LARP1: variants seen among roughly 807,000 people sequenced by gnomAD.
LARP1 encodes the protein La ribonucleoprotein 1, translational regulator, also known as la-related protein 1.
In LARP1, 36 loss-of-function variants were observed where a neutral mutation model predicts 122.7. The ratio of observed to expected loss-of-function variants is 0.29; its 90% CI spans 0.22 to 0.39. The LOEUF is 0.39. LARP1 is among the 10% of genes least tolerant of loss of function. The pLI is 1.00. For missense variants in LARP1, 1,040 were observed against 1,403.6 expected (o/e 0.74, Z 4.14); for synonymous variants, 539 against 528.7 (o/e 1.02, Z -0.27).
At position 154,788,688 on chromosome 5, in the gene LARP1, G is replaced by A. The variant is rs145631980; in HGVS notation, c.437-1637G>A. Among the ~76,000 whole-genome samples, 373 of 151,878 alleles carry A rather than the reference G, an allele frequency of 2.5e-3. 2 individuals carry two copies. The highest frequency in any genetic ancestry group is 8.4e-3 in the African/African-American group (348 of 41,374). ...AGAAATTCTTGTTTTTCAGAATGGT[G>A]TTGGGAAAAGAAGTGTGGATGTAGA... On this transcript the variant is annotated intron_variant, in intron 1 of 18. Coordinates refer to ENST00000518297, the MANE Select transcript of LARP1 (RefSeq NM_033551.3).
At chr5:154,781,217 C>G (rs1037664802) in intron 1 of LARP1, among the ~76,000 whole-genome samples, 1 of 152,160 alleles carries the variant, frequency 6.6e-6, no homozygotes, top group Non-Finnish European at 1.5e-5. Context: ...CTGTCTGAGA[C>G]GATTGGCTTC....
At chr5:154,791,953 T>TGCTGAGACTTGCAGAGGTTA (rs1262308682) in intron 3 of LARP1, 1 of 456,180 alleles carries the variant, frequency 2.2e-6, no homozygotes, top group Non-Finnish European at 4.4e-6. Context: ...CAGATGAAGC[T>TGCTGAGACTTGCAGAGGTTA]GCTGAGACTT....
chr5:154,696,932 G>A (rs868637673), intron 1 of LARP1, among the ~76,000 whole-genome samples: 1 of 152,168 alleles, frequency 6.6e-6, no homozygotes, highest in Admixed American at 6.5e-5. Context: ...AGAGGAAATC[G>A]TCCTTCATTC....
upstream of LARP1, among the ~76,000 whole-genome samples, chr5:154,755,318 G>T (rs865831868): frequency 6.7e-6 from 1 of 148,814 alleles, no homozygotes; most frequent in African/African-American, 2.4e-5. Flanking sequence ...GCGCGCGCCC[G>T]CCCGCCGCCT....
Position 154,814,584 on chromosome 5 carries a change from C to T in LARP1, c.*488C>T, listed in dbSNP as rs1482555826. ...CTCATAGAAGGCTCTGGTGGTACCT[C>T]TGGGCCCCAGGAGCATCAGCCCCTT... is the stretch of plus-strand genomic sequence containing the variant. On this transcript the variant is annotated 3_prime_UTR_variant, in exon 19 of 19. Transcript: ENST00000518297. 1.3e-5 allele frequency: 2 copies of T among 152,624 alleles called. No homozygotes were observed. Among genetic ancestry groups the T allele is most frequent in the African/African-American group, 2.4e-5 (1 of 41,396 alleles). The allele number at this position is 152,624 out of a possible 1,614,324, so 9.5% of individuals were successfully genotyped here.
rs796756210 is a variant in LARP1 at position 154,703,132 on chromosome 5, A to G, written c.-180+20095A>G. Reference sequence around the variant, plus strand: ...TGAGACGCTGTCTCAAAAAAAAAAAAAAAAAAAAAAAAAAAGAGAGGACAC... The same window carrying G: ...TGAGACGCTGTCTCAAAAAAAAAAAGAAAAAAAAAAAAAAAGAGAGGACAC... On this transcript the variant is annotated intron_variant, in intron 1 of 18. Coordinates refer to the LARP1 transcript ENST00000687700. Among the ~76,000 whole-genome samples, 1,063 of 148,540 alleles carry G rather than the reference A, an allele frequency of 7.2e-3. 9 individuals are homozygous for G. Among genetic ancestry groups the G allele is most frequent in the African/African-American group, 0.026 (1,015 of 39,106 alleles).
At chr5:154,732,195 A>C (rs1756624369) in intron 1 of LARP1, among the ~76,000 whole-genome samples, 1 of 67,202 alleles carries the variant, frequency 1.5e-5, no homozygotes, top group South Asian at 5.0e-4. Flanking sequence ...AAAACAAAAA[A>C]AAAAAAAAAA....
intron 1 of LARP1, among the ~76,000 whole-genome samples, chr5:154,762,982 G>A (rs983765369): frequency 1.3e-5 from 2 of 151,452 alleles, no homozygotes; most frequent in African/African-American, 4.9e-5. Flanking sequence ...TAATAGTACT[G>A]GAATAGTCAC....
upstream of LARP1, among the ~76,000 whole-genome samples, chr5:154,711,582 A>G (rs1446614237): frequency 2.0e-5 from 3 of 152,182 alleles, no homozygotes; most frequent in Non-Finnish European, 4.4e-5. Flanking sequence ...GTCACCCCAA[A>G]GCTTCAGTTT....
At chr5:154,773,824 T>C (rs939372020) in intron 1 of LARP1, among the ~76,000 whole-genome samples, 5 of 152,208 alleles carry the variant, frequency 3.3e-5, no homozygotes, top group Non-Finnish European at 5.9e-5. Context: ...GGCCTGTCTC[T>C]TGGGGAGAAC....
chr5:154,739,173 G>A (rs1180539628), intron 1 of LARP1, among the ~76,000 whole-genome samples: 2 of 151,506 alleles, frequency 1.3e-5, no homozygotes, highest in East Asian at 1.9e-4. Context: ...CCGCCAACAC[G>A]CCCAGCTAAT....
At chr5:154,715,708 C>T (rs1755462934) in intron 1 of LARP1, among the ~76,000 whole-genome samples, 1 of 152,108 alleles carries the variant, frequency 6.6e-6, no homozygotes, top group East Asian at 1.9e-4. Flanking sequence ...GTTAGAGTTC[C>T]AGGGACACCG....
intron 5 of LARP1, 22 bp from the exon 6 acceptor site, chr5:154,793,778 C>A: frequency 1.2e-6 from 2 of 1,614,160 alleles, no homozygotes; most frequent in South Asian, 1.1e-5. Flanking sequence ...TCAGGCCTGA[C>A]CTGGTACCCC....
intron 10 of LARP1, 122 bp from the exon 11 acceptor site, chr5:154,801,885 C>T: frequency 1.1e-6 from 1 of 880,566 alleles, no homozygotes; most frequent in East Asian, 2.6e-5. Flanking sequence ...GCTGGTGTTA[C>T]CAGGGTCATA....
Position 154,802,529 on chromosome 5 carries a change from G to T in LARP1, c.2109+130G>T. On this transcript the variant is annotated intron_variant, in intron 11 of 18. Coordinates refer to ENST00000518297, the MANE Select transcript of LARP1 (RefSeq NM_033551.3). This position sits in a 1 kb window ranked among gnomAD's most constrained non-coding sequence, Gnocchi z 5.1. ...CAGAGTCTCAGGATTTTTATATATG[G>T]GAAGGGGATGATGACTGACATCTAG... 1.8e-6 allele frequency: 2 copies of T among 1,119,526 alleles called. No individual in the cohort carries two copies. Among genetic ancestry groups the T allele is most frequent in the South Asian group, 3.6e-5 (2 of 56,114 alleles). The allele number at this position is 1,119,526 out of a possible 1,614,324, so 69.3% of individuals were successfully genotyped here.
At chr5:154,791,641 G>A (rs937126808) in intron 3 of LARP1, among the ~76,000 whole-genome samples, 1 of 152,166 alleles carries the variant, frequency 6.6e-6, no homozygotes, top group Non-Finnish European at 1.5e-5. Flanking sequence ...TATACATGGC[G>A]GGGCTGGTGG....
intron 1 of LARP1, among the ~76,000 whole-genome samples, chr5:154,691,870 A>G (rs901281460): frequency 1.8e-4 from 27 of 148,574 alleles, no homozygotes; most frequent in African/African-American, 6.7e-4. Flanking sequence ...GCTCACTGCA[A>G]CCTCCCCCTC....
At chr5:154,806,614 T>C (rs953347519) in intron 15 of LARP1, among the ~76,000 whole-genome samples, 1 of 152,248 alleles carries the variant, frequency 6.6e-6, no homozygotes, top group African/African-American at 2.4e-5. Context: ...GGAACGAGCC[T>C]GTCTAGATGC....
intron 16 of LARP1, among the ~76,000 whole-genome samples, chr5:154,809,382 C>T (rs887069910): frequency 6.8e-5 from 9 of 131,652 alleles, no homozygotes; most frequent in South Asian, 2.7e-4. Flanking sequence ...AAAATGTGCT[C>T]TCTGTAAACT....
Sources: allele counts gnomAD v4.1 joint callset (sites outside exome capture counted in the v4.1 genomes callset), GRCh38; gene constraint gnomAD v4.1.1; non-coding constraint Gnocchi (gnomAD v3.1); transcripts MANE v1.5; gene names NCBI Gene and HGNC (gene_info 2026-07-23, HGNC 2026-07-21).